Variants in EPB41L2 observed in about 807,000 individuals in gnomAD.
The protein encoded by EPB41L2 is band 4.1-like protein 2.
In EPB41L2, 43 loss-of-function variants were observed where a neutral mutation model predicts 113.0. The ratio of observed to expected loss-of-function variants is 0.38; its 90% CI spans 0.30 to 0.49. The LOEUF (loss-of-function observed/expected upper bound fraction) is 0.49, where lower values mean the gene tolerates loss of function less well. Among genes scored for constraint, EPB41L2 ranks in the 20% least tolerant of loss-of-function variants. The pLI is 0.95. For synonymous variants in EPB41L2, 442 were observed against 436.7 expected, an observed-to-expected ratio of 1.01 and a Z score of -0.15; for missense variants, 1,147 against 1,223.4, an observed-to-expected ratio of 0.94 and a Z score of 0.93.
chr6:130,953,731 G>T (rs994811858), intron 3 of EPB41L2, among the ~76,000 whole-genome samples: 3 of 152,012 alleles, frequency 2.0e-5, no homozygotes, highest in African/African-American at 7.2e-5. Flanking sequence ...TCATGACTGG[G>T]ATTAGTGCCC....
chr6:130,869,822 G>A lies in EPB41L2; in HGVS notation c.2348C>T (p.Pro783Leu), dbSNP rs547603639. ...YEEEVEEEPRPAAKVVEREEA... is the reference protein window; with the variant it reads ...YEEEVEEEPRLAAKVVEREEA... Reference sequence around the variant, plus strand: ...CTCCCTCTCTACTACCTTGGCTGCCGGGCGGGGTTCTTCCTCCACCTCTTC... The same window carrying A: ...CTCCCTCTCTACTACCTTGGCTGCCAGGCGGGGTTCTTCCTCCACCTCTTC... The change falls in exon 15 of 20, where the codon CCG becomes CTG. Residue 783 changes from proline (P) to leucine (L), a missense_variant. Physicochemically the swap from Pro to Leu is moderately conservative, Grantham distance 98. Coordinates refer to ENST00000337057, the MANE Select transcript of EPB41L2 (RefSeq NM_001431.4). 60 of 1,613,834 alleles carry A rather than the reference G, an allele frequency of 3.7e-5. 1 individual carries two copies. The highest frequency in any genetic ancestry group is 3.0e-4 in the South Asian group (27 of 91,028).
At chr6:130,995,555 G>A (rs561058263) in intron 1 of EPB41L2, among the ~76,000 whole-genome samples, 36 of 152,250 alleles carry the variant, frequency 2.4e-4, no homozygotes, top group South Asian at 1.7e-3. Flanking sequence ...GACCACCACG[G>A]GCACATGTCT....
At chr6:130,935,139 A>C (rs1808360103) in intron 3 of EPB41L2, among the ~76,000 whole-genome samples, 1 of 152,188 alleles carries the variant, frequency 6.6e-6, no homozygotes, top group Admixed American at 6.5e-5. Flanking sequence ...TCAGTTGCTA[A>C]AAATTAAAAT....
At chr6:130,877,587 A>T (rs1787970751) in intron 14 of EPB41L2, among the ~76,000 whole-genome samples, 2 of 152,216 alleles carry the variant, frequency 1.3e-5, no homozygotes, top group Non-Finnish European at 2.9e-5. Context: ...ACATTTCATT[A>T]TAAGGAAGTT....
At chr6:130,978,638 A>C (rs1462191839) in intron 1 of EPB41L2, 7 of 152,224 alleles carry the variant, frequency 4.6e-5, no homozygotes, top group Admixed American at 4.6e-4. Context: ...TGATTTTAAT[A>C]CTGTACTTTT....
chr6:131,032,000 A>C (rs886836363), intron 1 of EPB41L2, among the ~76,000 whole-genome samples: 6 of 152,256 alleles, frequency 3.9e-5, no homozygotes, highest in Non-Finnish European at 8.8e-5. Flanking sequence ...AGCAAATTTC[A>C]AAATGGCTTC....
chr6:130,936,644 A>C (rs1808901544), intron 3 of EPB41L2, among the ~76,000 whole-genome samples: 1 of 152,230 alleles, frequency 6.6e-6, no homozygotes, highest in South Asian at 2.1e-4. Context: ...AAGTATTTTC[A>C]TCAGAAATTT....
At chr6:130,876,406 C>A (rs533081894) in intron 14 of EPB41L2, among the ~76,000 whole-genome samples, 1 of 152,334 alleles carries the variant, frequency 6.6e-6, no homozygotes, top group East Asian at 1.9e-4. Flanking sequence ...CAGCCACATA[C>A]ATCAAATTAG....
At chr6:130,921,198 G>A (rs1393531087) in intron 4 of EPB41L2, among the ~76,000 whole-genome samples, 1 of 151,820 alleles carries the variant, frequency 6.6e-6, no homozygotes, top group Non-Finnish European at 1.5e-5. Context: ...CCTGCCTCTG[G>A]TCTCAGTCCC....
intron 3 of EPB41L2, among the ~76,000 whole-genome samples, chr6:130,938,503 G>A (rs1809669849): frequency 6.6e-6 from 1 of 152,158 alleles, no homozygotes; most frequent in African/African-American, 2.4e-5. Context: ...AACTATGTAA[G>A]GAGGAAACTC....
At chr6:131,033,734 CAA>C (rs1792712459) in intron 1 of EPB41L2, among the ~76,000 whole-genome samples, 1 of 152,056 alleles carries the variant, frequency 6.6e-6, no homozygotes, top group Non-Finnish European at 1.5e-5. Context: ...TGAGAATAGG[CAA>C]ATTCATATAA....
rs115476511 is a variant in EPB41L2 at position 130,852,826 on chromosome 6, A to C, written c.*5+5305T>G. Among the ~76,000 whole-genome samples the C allele has an allele frequency of 1.9e-3, 286 of 152,202 alleles. 1 individual carries two copies. Among genetic ancestry groups the C allele is most frequent in the African/African-American group, 6.4e-3 (267 of 41,532 alleles). On this transcript the variant is annotated intron_variant, in intron 19 of 19. Coordinates refer to ENST00000337057, the MANE Select transcript of EPB41L2 (RefSeq NM_001431.4). ...CTCTCCTACAAGTATCCCACAATCC[A>C]GCTACATCTGATTTTGCACTGTTCT... is the stretch of plus-strand genomic sequence containing the variant.
chr6:130,933,219 C>T (rs1180444916), intron 3 of EPB41L2, among the ~76,000 whole-genome samples: 1 of 152,170 alleles, frequency 6.6e-6, no homozygotes. Flanking sequence ...CTGAAGCATG[C>T]CTTTGCTTTG....
In EPB41L2 at chr6:130,910,665, T is replaced by G. The variant is rs150081352; in HGVS notation, c.811-1802A>C. ...CTAATATCCAGAATCTACAAGGAAC[T>G]TAAACAAATTTACAAGAAAAAAATA... On this transcript the variant is annotated intron_variant, in intron 4 of 19. Transcript: ENST00000337057. 4.6e-3 allele frequency among the ~76,000 whole-genome samples: 708 copies of G among 152,274 alleles called. 8 individuals are homozygous for G. Among genetic ancestry groups the G allele is most frequent in the South Asian group, 0.039 (186 of 4,826 alleles).
chr6:131,023,681 T>C (rs554099860), intron 1 of EPB41L2, among the ~76,000 whole-genome samples: 1 of 128,746 alleles, frequency 7.8e-6, no homozygotes, highest in South Asian at 2.5e-4. Context: ...TGAGACTTCG[T>C]CTCAAAAACA....
In EPB41L2 at chr6:130,926,647, T is replaced by C; in HGVS notation, c.768A>G (p.Lys256=). Residue 256 remains lysine, a synonymous_variant, in exon 4 of 20, where the codon AAA becomes AAG. Coordinates refer to ENST00000337057, the MANE Select transcript of EPB41L2 (RefSeq NM_001431.4). Reference sequence around the variant, plus strand: ...CCTGAAACAAAAGTCCAAAGTAGTCTTTCTCCAAGAGATTGAGGTGTTCAC... The same window carrying C: ...CCTGAAACAAAAGTCCAAAGTAGTCCTTCTCCAAGAGATTGAGGTGTTCAC... ...KVCEHLNLLE[K]DYFGLLFQES... 1 of 1,610,152 alleles carries C rather than the reference T, an allele frequency of 6.2e-7. No homozygotes were observed. Among genetic ancestry groups the C allele is most frequent in the South Asian group, 1.1e-5 (1 of 89,392 alleles).
chr6:131,016,680 T>C (rs1402408415), intron 1 of EPB41L2, among the ~76,000 whole-genome samples: 2 of 152,136 alleles, frequency 1.3e-5, no homozygotes, highest in African/African-American at 2.4e-5. Context: ...GGTGATGGCA[T>C]GTGCCTGTAA....
chr6:130,983,904 C>T (rs1328873665), intron 1 of EPB41L2, among the ~76,000 whole-genome samples: 1 of 152,080 alleles, frequency 6.6e-6, no homozygotes, highest in African/African-American at 2.4e-5. Flanking sequence ...ATGAATTAAC[C>T]TTAGCTGTCT....
chr6:130,972,323 CAAAAAAAAAAAAAAA>C (rs56878009), intron 1 of EPB41L2, among the ~76,000 whole-genome samples: 33 of 76,640 alleles, frequency 4.3e-4, no homozygotes, highest in Non-Finnish European at 6.8e-4. Context: ...GACTCCATCT[CAAAAAAAAAAAAAAA>C]AAAAAAAAGG....
Sources: gnomAD v4.1 joint callset for allele counts (sites outside exome capture counted in the v4.1 genomes callset) on GRCh38, gnomAD v4.1.1 for gene constraint, MANE v1.5 for transcripts, NCBI Gene and HGNC (gene_info 2026-07-23, HGNC 2026-07-21) for gene names.